The following GSG1L variants were observed in gnomAD, a reference collection of about 807,000 sequenced individuals.
GSG1L encodes GSG1 like, also known as germ cell-specific gene 1-like protein.
GSG1L carries 24 observed loss-of-function variants against 42.1 expected under a neutral mutation model. That is an observed-to-expected ratio of 0.57 (90% CI 0.41 to 0.80). GSG1L has a LOEUF of 0.80. GSG1L is among the 30% of genes least tolerant of loss of function. The pLI, the probability that GSG1L is intolerant of heterozygous loss-of-function variation, is 0.00. For missense variants in GSG1L, 445 were observed against 472.2 expected, an observed-to-expected ratio of 0.94 and a Z score of 0.53; for synonymous variants, 215 against 203.5, an observed-to-expected ratio of 1.06 and a Z score of -0.48.
At chr16:27,948,733 C>T (rs2084916327) in intron 2 of GSG1L, among the ~76,000 whole-genome samples, 1 of 151,456 alleles carries the variant, frequency 6.6e-6, no homozygotes, top group African/African-American at 2.4e-5. Flanking sequence ...TCTCAGCCTC[C>T]CGAGTAGCTG....
At chr16:28,048,961 A>G (rs1470308093) in intron 1 of GSG1L, among the ~76,000 whole-genome samples, 3 of 152,222 alleles carry the variant, frequency 2.0e-5, no homozygotes, top group African/African-American at 7.2e-5. Flanking sequence ...CTAAGCTGGC[A>G]AGACCTGGGC....
chr16:28,025,310 C>T lies in GSG1L; in HGVS notation c.349+37766G>A, dbSNP rs529882297. ...GGCCAGCAGCTAGGGCCAGGAGGCT[C>T]GGGGAGCCTTAAATCTCCCCAGATG... On this transcript the variant is annotated intron_variant, in intron 1 of 6. Coordinates refer to ENST00000447459, the MANE Select transcript of GSG1L (RefSeq NM_001109763.2). 2.0e-4 allele frequency among the ~76,000 whole-genome samples: 31 copies of T among 152,230 alleles called. 1 individual carries two copies. The highest frequency in any genetic ancestry group is 4.6e-4 in the Admixed American group (7 of 15,298).
chr16:28,058,159 G>A (rs1220645679), intron 1 of GSG1L, among the ~76,000 whole-genome samples: 6 of 152,202 alleles, frequency 3.9e-5, no homozygotes, highest in African/African-American at 1.4e-4. Context: ...GCACAGCACA[G>A]CAGGCAAGAG....
intron 3 of GSG1L, among the ~76,000 whole-genome samples, chr16:27,869,635 TCTCTCTCTC>T (rs2083780229): frequency 1.1e-5 from 1 of 92,228 alleles, no homozygotes. Flanking sequence ...TGCGTCTCCA[TCTCTCTCTC>T]CTCTCTGTCT....
chr16:27,995,554 G>A (rs527351113), intron 1 of GSG1L, among the ~76,000 whole-genome samples: 1 of 152,138 alleles, frequency 6.6e-6, no homozygotes, highest in Non-Finnish European at 1.5e-5. Context: ...GAAAGATCTT[G>A]TTTAAAGACC....
intron 3 of GSG1L, among the ~76,000 whole-genome samples, chr16:27,881,112 C>T (rs895006744): frequency 6.6e-6 from 1 of 151,626 alleles, no homozygotes; most frequent in African/African-American, 2.4e-5. Context: ...ATACATAGTA[C>T]AGAAGAAATC....
chr16:27,841,816 T>C lies in GSG1L; in HGVS notation c.662+3134A>G, dbSNP rs1275604700. Among the ~76,000 whole-genome samples the C allele has an allele frequency of 2.0e-5, 3 of 152,106 alleles. No individual in the cohort carries two copies. In the South Asian group the frequency reaches 6.2e-4, roughly 32 times the overall value. ...AGCAGAGGAGCAGGGCAGAAATCCC[T>C]GGCTTCCAGGGAAAGAATGTTCCCC... On this transcript the variant is annotated intron_variant, in intron 4 of 6. Transcript: ENST00000447459.
intron 2 of GSG1L, among the ~76,000 whole-genome samples, chr16:27,912,113 G>C (rs138328597): frequency 1.3e-5 from 2 of 152,088 alleles, no homozygotes; most frequent in African/African-American, 4.8e-5. Context: ...GTGAGTTCCC[G>C]CAACCCTACA....
intron 3 of GSG1L, among the ~76,000 whole-genome samples, chr16:27,869,818 T>G (rs1596570996): frequency 6.7e-6 from 1 of 148,218 alleles, no homozygotes; most frequent in South Asian, 2.2e-4. Flanking sequence ...CCTCCATCTC[T>G]CTCTCTCTGT....
chr16:28,004,057 T>C (rs112222294), intron 1 of GSG1L, among the ~76,000 whole-genome samples: 2,738 of 152,304 alleles, frequency 0.018, 69 homozygotes, highest in African/African-American at 0.062. Context: ...GCTGCTGGGC[T>C]GACGGCCACT....
At chr16:27,892,108 T>G (rs184677030) in intron 2 of GSG1L, among the ~76,000 whole-genome samples, 1 of 152,032 alleles carries the variant, frequency 6.6e-6, no homozygotes, top group East Asian at 1.9e-4. Flanking sequence ...GTGATGTTGA[T>G]ATGCAGTCCA....
Position 28,023,251 on chromosome 16 carries a change from T to G in GSG1L, c.349+39825A>C, listed in dbSNP as rs542717720. On this transcript the variant is annotated intron_variant, in intron 1 of 6. Transcript: ENST00000447459. ...TCTATCTTTCTAAGCACTGCTTTTT[T>G]CACTTGCCAATAAGTCTAATCCATT... Among the ~76,000 whole-genome samples the G allele has an allele frequency of 7.1e-4, 108 of 152,370 alleles. 1 individual carries two copies. Among genetic ancestry groups the G allele is most frequent in the Admixed American group, 1.2e-3 (18 of 15,308 alleles).
chr16:27,807,615 G>A, intron 5 of GSG1L, 61 bp from the exon 6 acceptor site: 1 of 1,456,652 alleles, frequency 6.9e-7, no homozygotes, highest in Non-Finnish European at 9.4e-7. Context: ...TGAGTGGGCA[G>A]AGACCCAAAA....
At chr16:27,958,874 C>T (rs1364666074) in intron 2 of GSG1L, among the ~76,000 whole-genome samples, 1 of 152,118 alleles carries the variant, frequency 6.6e-6, no homozygotes, top group Non-Finnish European at 1.5e-5. Context: ...AGGATTTCAC[C>T]ATGTTGGCCA....
At chr16:27,892,832 T>C (rs1300881572) in intron 2 of GSG1L, among the ~76,000 whole-genome samples, 1 of 147,338 alleles carries the variant, frequency 6.8e-6, no homozygotes, top group African/African-American at 2.5e-5. Context: ...AAAAACTAAG[T>C]CAATGCTAGG....
chr16:27,875,159 T>C (rs1402675787), intron 3 of GSG1L, among the ~76,000 whole-genome samples: 1 of 152,196 alleles, frequency 6.6e-6, no homozygotes, highest in South Asian at 2.1e-4. Context: ...CTCAAAGACT[T>C]GCTTTCTTCG....
At chr16:27,872,516 G>A (rs1211355409) in intron 3 of GSG1L, among the ~76,000 whole-genome samples, 1 of 152,200 alleles carries the variant, frequency 6.6e-6, no homozygotes, top group East Asian at 1.9e-4. Flanking sequence ...GAGGGGCTGG[G>A]TAAAATGAGG....
intron 6 of GSG1L, among the ~76,000 whole-genome samples, chr16:27,794,094 A>T (rs1199706867): frequency 6.6e-6 from 1 of 151,954 alleles, no homozygotes; most frequent in Non-Finnish European, 1.5e-5. Context: ...GGCTCACTGC[A>T]GCCTCGAGCT....
intron 2 of GSG1L, among the ~76,000 whole-genome samples, chr16:27,943,566 CT>C (rs11385465): frequency 0.14 from 9,595 of 67,216 alleles, 37 homozygotes; most frequent in Non-Finnish European, 0.18. Flanking sequence ...TTCTTTGTTT[CT>C]TTTTTTTTTT....
Sources: allele counts gnomAD v4.1 joint callset (sites outside exome capture counted in the v4.1 genomes callset), GRCh38; gene constraint gnomAD v4.1.1; transcripts MANE v1.5; gene names NCBI Gene and HGNC (gene_info 2026-07-23, HGNC 2026-07-21).